CRISPLD1: variants seen among roughly 807,000 people sequenced by gnomAD.
The protein encoded by CRISPLD1 is cysteine rich secretory protein LCCL domain containing 1.
Under a neutral mutation model 77.5 loss-of-function variants are expected in CRISPLD1, and 60 were observed. The observed-to-expected ratio is 0.77, with a 90% CI of 0.63 to 0.96. The LOEUF is 0.96. CRISPLD1 is among the 40% of genes least tolerant of loss of function. The pLI is 0.00. For missense variants in CRISPLD1, 623 were observed against 615.8 expected, an observed-to-expected ratio of 1.01 and a Z score of -0.12; for synonymous variants, 195 against 200.1, an observed-to-expected ratio of 0.97 and a Z score of 0.22.
At chr8:75,006,375 T>C (rs529581954) in intron 2 of CRISPLD1, among the ~76,000 whole-genome samples, 1 of 152,294 alleles carries the variant, frequency 6.6e-6, no homozygotes, top group South Asian at 2.1e-4. Context: ...ATCATTTCTA[T>C]ATTATCTATA....
At position 74,986,156 on chromosome 8, in the gene CRISPLD1, A is replaced by G. The variant is rs779143565; in HGVS notation, c.169A>G (p.Ile57Val). Reference protein sequence around the residue: ...WIAKQRGKRAITDNDMQSILD... With the variant: ...WIAKQRGKRAVTDNDMQSILD... Reference sequence around the variant, plus strand: ...AGCCAAACAACGAGGGAAAAGGGCCATCACAGACAATGACATGCAGAGTAT... The same window carrying G: ...AGCCAAACAACGAGGGAAAAGGGCCGTCACAGACAATGACATGCAGAGTAT... Residue 57 changes from isoleucine (I) to valine (V), a missense_variant, in exon 2 of 15, where the codon ATC becomes GTC. Coordinates refer to ENST00000262207, the MANE Select transcript of CRISPLD1 (RefSeq NM_031461.6). 8 of 1,614,082 alleles carry G rather than the reference A, an allele frequency of 5.0e-6. No individual in the cohort carries two copies. Among genetic ancestry groups the G allele is most frequent in the Non-Finnish European group, 5.9e-6 (7 of 1,180,042 alleles).
intron 2 of CRISPLD1, among the ~76,000 whole-genome samples, chr8:75,004,147 A>G (rs1812790452): frequency 6.6e-6 from 1 of 152,178 alleles, no homozygotes; most frequent in South Asian, 2.1e-4. Context: ...GGAGACCCTA[A>G]TTTGTGCATT....
chr8:75,016,812 A>T, intron 7 of CRISPLD1, 69 bp from the exon 8 acceptor site: 1 of 1,528,880 alleles, frequency 6.5e-7, no homozygotes, highest in Non-Finnish European at 8.9e-7. Flanking sequence ...TTTTGTCATT[A>T]GGCTATATAT....
chr8:75,013,624 C>T (rs1812974701), intron 4 of CRISPLD1, among the ~76,000 whole-genome samples: 1 of 152,066 alleles, frequency 6.6e-6, no homozygotes, highest in African/African-American at 2.4e-5. Context: ...TAAATTTTTG[C>T]TCCAGTATTT....
In CRISPLD1 at chr8:74,987,543, T is replaced by G. The variant is rs541324310; in HGVS notation, c.258+1298T>G. Among the ~76,000 whole-genome samples the G allele has an allele frequency of 2.6e-5, 4 of 152,348 alleles. No homozygotes were observed. The East Asian group carries it at 7.7e-4, about 29-fold the overall frequency. On this transcript the variant is annotated intron_variant, in intron 2 of 14. Transcript: ENST00000262207. The stretch of plus-strand genomic sequence containing the variant: ...CAAGACATATATAACTAATTTTATG[T>G]TTCCTTATATGGTTTAAATATAATA...
At chr8:75,007,599 C>G (rs1253344483) in intron 2 of CRISPLD1, among the ~76,000 whole-genome samples, 5 of 150,236 alleles carry the variant, frequency 3.3e-5, no homozygotes, top group African/African-American at 1.2e-4. Flanking sequence ...AGACTGAGTC[C>G]CGCTCTGTCA....
intron 2 of CRISPLD1, among the ~76,000 whole-genome samples, chr8:75,010,834 T>C (rs1025130644): frequency 2.6e-5 from 4 of 152,094 alleles, no homozygotes; most frequent in Non-Finnish European, 5.9e-5. Context: ...CGAATAAATT[T>C]ATCTCTGGGT....
At chr8:74,994,313 C>G (rs1812616460) in intron 2 of CRISPLD1, among the ~76,000 whole-genome samples, 1 of 152,146 alleles carries the variant, frequency 6.6e-6, no homozygotes, top group Non-Finnish European at 1.5e-5. Context: ...GGCCTTGTTG[C>G]AAGATGAATG....
At chr8:74,990,772 C>CA (rs200515030) in intron 2 of CRISPLD1, among the ~76,000 whole-genome samples, 1,915 of 107,278 alleles carry the variant, frequency 0.018, 21 homozygotes, top group African/African-American at 0.039. Flanking sequence ...AAGAAACATA[C>CA]AAAAAAAAAA....
Position 75,001,601 on chromosome 8 carries a change from C to T in CRISPLD1, c.259-10832C>T, listed in dbSNP as rs181643933. ...TGAAATAGTATTTGGTAGAAGTTAC[C>T]GTCATTGTGTGGAAGGGAATATGGT... On this transcript the variant is annotated intron_variant, in intron 2 of 14. Transcript: ENST00000262207. 1.2e-4 allele frequency among the ~76,000 whole-genome samples: 19 copies of T among 152,136 alleles called. No individual in the cohort carries two copies. In the East Asian group the frequency reaches 2.7e-3, roughly 22 times the overall value.
intron 7 of CRISPLD1, 49 bp downstream of exon 7, chr8:75,016,754 A>G (rs769356442): frequency 3.8e-6 from 6 of 1,570,696 alleles, no homozygotes; most frequent in Non-Finnish European, 5.2e-6. Flanking sequence ...CATAAATGGT[A>G]TATCCATCAA....
intron 2 of CRISPLD1, among the ~76,000 whole-genome samples, chr8:75,002,475 C>G (rs891095135): frequency 6.9e-6 from 1 of 145,312 alleles, no homozygotes; most frequent in African/African-American, 2.7e-5. Flanking sequence ...GCCACAATAA[C>G]TAGGGTTCAA....
At chr8:75,002,508 A>G (rs979295381) in intron 2 of CRISPLD1, among the ~76,000 whole-genome samples, 1 of 151,258 alleles carries the variant, frequency 6.6e-6, no homozygotes. Context: ...AAATAATAAT[A>G]ATGATGAAGG....
At chr8:74,986,383 A>G (rs1256542650) in intron 2 of CRISPLD1, 138 bp downstream of exon 2, 2 of 861,670 alleles carry the variant, frequency 2.3e-6, no homozygotes, top group East Asian at 2.5e-5. Flanking sequence ...TTTCCTCTGC[A>G]TATTCGTTTA....
chr8:75,031,313 T>C (rs1335578624), intron 14 of CRISPLD1, among the ~76,000 whole-genome samples: 1 of 152,082 alleles, frequency 6.6e-6, no homozygotes, highest in Non-Finnish European at 1.5e-5. Flanking sequence ...ATTTATTTTA[T>C]TGATCTCCAA....
chr8:75,025,411 C>G (rs972828350), intron 12 of CRISPLD1, 135 bp from the exon 13 acceptor site: 1 of 280,716 alleles, frequency 3.6e-6, no homozygotes, highest in Non-Finnish European at 6.4e-6. Context: ...TACAATTGAC[C>G]TATTTCAGGA....
intron 2 of CRISPLD1, among the ~76,000 whole-genome samples, chr8:75,009,991 A>G (rs1225274785): frequency 1.3e-5 from 2 of 152,136 alleles, no homozygotes; most frequent in African/African-American, 4.8e-5. Context: ...ATACTTGTTT[A>G]TAGCATTTGT....
chr8:74,991,116 C>G (rs757242329), intron 2 of CRISPLD1, among the ~76,000 whole-genome samples: 11 of 152,012 alleles, frequency 7.2e-5, no homozygotes, highest in Non-Finnish European at 1.5e-4. Context: ...CCTTAGCCTC[C>G]CAAGTACCTA....
chr8:75,025,552 C>G lies in CRISPLD1; in HGVS notation c.1251C>G (p.Tyr417Ter). The G allele has an allele frequency of 6.6e-7, 1 of 1,525,334 alleles. No individual in the cohort carries two copies. Among genetic ancestry groups the G allele is most frequent in the Non-Finnish European group, 9.0e-7 (1 of 1,108,084 alleles). 94.5% of individuals were successfully genotyped at this position (1,525,334 alleles called of 1,614,324 possible). A position where few individuals can be genotyped will look rare whatever the true frequency, so the allele number is the denominator to read the frequency against. Residue 417 changes from tyrosine to a stop codon, truncating the protein, a stop_gained, in exon 13 of 15, where the codon TAC (tyrosine) becomes TAG (stop). Transcript: ENST00000262207. LOFTEE classifies it high-confidence loss of function. ...AATATATTATTTTTTTCAGAGTATACTGTCCTCGTAACTGTATGCAAGCAA... is the reference window on the plus strand; with the variant it reads ...AATATATTATTTTTTTCAGAGTATAGTGTCCTCGTAACTGTATGCAAGCAA... ...HKPASHCPRV[Y>*]CPRNCMQANP...
Sources: allele counts gnomAD v4.1 joint callset (sites outside exome capture counted in the v4.1 genomes callset), GRCh38; gene constraint gnomAD v4.1.1; transcripts MANE v1.5; gene names NCBI Gene and HGNC (gene_info 2026-07-23, HGNC 2026-07-21).